The following CDADC1 variants were observed in gnomAD, a reference collection of about 807,000 sequenced individuals.
CDADC1 encodes dCTP deaminase.
Under a neutral mutation model 54.9 loss-of-function variants are expected in CDADC1, and 39 were observed. The observed-to-expected ratio is 0.71, with a 90% CI of 0.55 to 0.93. CDADC1 has a LOEUF of 0.93. CDADC1 is among the 40% of genes least tolerant of loss of function. CDADC1 has a pLI of 0.00. For synonymous variants in CDADC1, 186 were observed against 204.0 expected (o/e 0.91, Z 0.75); for missense variants, 518 against 618.8 (o/e 0.84, Z 1.73).
Position 49,272,645 on chromosome 13 carries a change from G to T in CDADC1, c.1001-1646G>T, listed in dbSNP as rs138380613. Among the ~76,000 whole-genome samples the T allele has an allele frequency of 4.4e-3, 662 of 151,412 alleles. 4 individuals carry two copies. Among genetic ancestry groups the T allele is most frequent in the African/African-American group, 0.015 (630 of 41,236 alleles). On this transcript the variant is annotated intron_variant, in intron 5 of 9. Coordinates refer to ENST00000251108, the MANE Select transcript of CDADC1 (RefSeq NM_030911.4). ...TTCAATAAATGGAAATTTTTGTCAA[G>T]GATTTCTTTTTCTTTTTTTTTTTTT...
rs373254567 is a variant in CDADC1, at chr13:49,292,724, A to T, written c.*967A>T. 4.7e-5 allele frequency: 60 copies of T among 1,271,316 alleles called. 1 individual carries two copies. The South Asian group carries it at 7.1e-4, about 15-fold the overall frequency. The allele number at this position is 1,271,316 out of a possible 1,614,324, so 78.8% of individuals were successfully genotyped here. On this transcript the variant is annotated 3_prime_UTR_variant, in exon 10 of 10. Coordinates refer to ENST00000251108, the MANE Select transcript of CDADC1 (RefSeq NM_030911.4). ...ATTTCTCACATTTTTATTTGCTGAG[A>T]AACATTCAGAAAATTATTCCAAAAA...
At chr13:49,275,762 G>T (rs897764283) in intron 6 of CDADC1, among the ~76,000 whole-genome samples, 19 of 124,104 alleles carry the variant, frequency 1.5e-4, no homozygotes, top group East Asian at 9.8e-4. Context: ...GAGAGAGAGA[G>T]AGAGAGAGAG....
chr13:49,265,844 T>C (rs1952802159), intron 4 of CDADC1: 2 of 1,293,942 alleles, frequency 1.5e-6, no homozygotes, highest in Non-Finnish European at 2.0e-6. Context: ...TACACAAATG[T>C]CTGTCTAAAG....
intron 6 of CDADC1, 85 bp downstream of exon 6, chr13:49,274,425 C>G: frequency 9.6e-7 from 1 of 1,040,364 alleles, no homozygotes; most frequent in Non-Finnish European, 1.5e-6. Flanking sequence ...AGGTTACTGA[C>G]TGCCAAGGCG....
chr13:49,252,551 T>C (rs1490450012), intron 2 of CDADC1, among the ~76,000 whole-genome samples: 1 of 152,158 alleles, frequency 6.6e-6, no homozygotes, highest in Admixed American at 6.5e-5. Context: ...ATCATGGCCA[T>C]TGCAAAAAAG....
chr13:49,271,077 T>C (rs1462612354), intron 5 of CDADC1, among the ~76,000 whole-genome samples: 1 of 152,238 alleles, frequency 6.6e-6, no homozygotes, highest in Non-Finnish European at 1.5e-5. Flanking sequence ...TTATAATTGC[T>C]TTTTGAATGA....
chr13:49,285,454 C>T (rs1371987082), intron 8 of CDADC1, among the ~76,000 whole-genome samples: 1 of 152,042 alleles, frequency 6.6e-6, no homozygotes, highest in Non-Finnish European at 1.5e-5. Flanking sequence ...GGATTACAGG[C>T]GTGAGCCACT....
At chr13:49,259,170 G>A (rs575803424) in intron 3 of CDADC1, among the ~76,000 whole-genome samples, 176 bp from the exon 4 acceptor site, 7 of 152,304 alleles carry the variant, frequency 4.6e-5, no homozygotes, top group Admixed American at 3.9e-4. Context: ...CTGGCCTAAA[G>A]TCAACACTAA....
chr13:49,257,498 C>T lies in CDADC1; in HGVS notation c.252+1585C>T, dbSNP rs546808705. Among the ~76,000 whole-genome samples the T allele has an allele frequency of 1.5e-4, 23 of 152,278 alleles. No homozygotes were observed. In the South Asian group the frequency reaches 2.9e-3, roughly 19 times the overall value. ...CAAGATGATACGTATTGGCCGGGCA[C>T]GGTGGCTCACGCCTGTAATCCCAGC... is the stretch of plus-strand genomic sequence containing the variant. On this transcript the variant is annotated intron_variant, in intron 3 of 9. Coordinates refer to ENST00000251108, the MANE Select transcript of CDADC1 (RefSeq NM_030911.4).
rs1272650958 is a variant in CDADC1, at chr13:49,267,645, G to T, written c.586G>T (p.Val196Leu). The part of the protein sequence containing the change: ...AHVCVLLQPL[V>L]CYMVQFVEET... ...TGTGTGTGTCTTACTTCAACCTTTG[G>T]TGTGTTATATGGTGCAGTTTGTAGA... Residue 196 changes from valine to leucine, a missense_variant, in exon 5 of 10, where the codon GTG (valine) becomes TTG (leucine). Physicochemically the swap from Val to Leu is conservative, Grantham distance 32 (BLOSUM62 1). Coordinates refer to ENST00000251108, the MANE Select transcript of CDADC1 (RefSeq NM_030911.4). 1 of 1,614,144 alleles carries T rather than the reference G, an allele frequency of 6.2e-7. No homozygotes were observed. The highest frequency in any genetic ancestry group is 1.1e-5 in the South Asian group (1 of 91,086).
At chr13:49,288,316 A>G (rs773085935) in intron 9 of CDADC1, among the ~76,000 whole-genome samples, 1 of 152,198 alleles carries the variant, frequency 6.6e-6, no homozygotes, top group Non-Finnish European at 1.5e-5. Flanking sequence ...TTTTAATTAT[A>G]TGATAGTTTT....
intron 4 of CDADC1, among the ~76,000 whole-genome samples, chr13:49,264,425 T>C (rs1952762849): frequency 6.6e-6 from 1 of 152,056 alleles, no homozygotes; most frequent in South Asian, 2.1e-4. Context: ...TATATGGAAT[T>C]GATAGCATAG....
intron 2 of CDADC1, among the ~76,000 whole-genome samples, chr13:49,255,375 T>C (rs940165398): frequency 6.6e-6 from 1 of 152,178 alleles, no homozygotes; most frequent in African/African-American, 2.4e-5. Flanking sequence ...TAACAAAACA[T>C]AGTCACAGGC....
chr13:49,280,579 C>G lies in CDADC1; in HGVS notation c.1291C>G (p.Pro431Ala). 6.4e-7 allele frequency: 1 copy of G among 1,574,386 alleles called. No individual in the cohort carries two copies. The highest frequency in any genetic ancestry group is 8.6e-7 in the Non-Finnish European group (1 of 1,159,492). The change falls in exon 8 of 10, where the codon CCT becomes GCT. Residue 431 changes from proline (P) to alanine (A), a missense_variant. Coordinates refer to ENST00000251108, the MANE Select transcript of CDADC1 (RefSeq NM_030911.4). ...VTKCPCDECV[P>A]LIKGAGIKQI... ...AAAGTGCCCATGTGATGAGTGTGTA[C>G]CTTTAATTAAAGGTGCAGGCATAAA... is the stretch of plus-strand genomic sequence containing the variant.
At chr13:49,262,162 G>A (rs545406304) in intron 4 of CDADC1, among the ~76,000 whole-genome samples, 2 of 152,296 alleles carry the variant, frequency 1.3e-5, no homozygotes, top group Admixed American at 6.5e-5. Flanking sequence ...CTACCTTCAG[G>A]TTGGGCATGG....
rs771861798 is a variant in CDADC1 at position 49,280,630 on chromosome 13, G to A, written c.1342G>A (p.Val448Ile). The change falls in exon 8 of 10, where the codon GTT becomes ATT. Residue 448 changes from valine (V) to isoleucine (I), a missense_variant. Transcript: ENST00000251108. ...ACAAATCTATGCAGGAGATGTAGAT[G>A]TTGGAAAAAAGAAGGCAGACATCTC... ...IKQIYAGDVD[V>I]GKKKADISYM... 1.9e-6 allele frequency: 3 copies of A among 1,601,904 alleles called. No individual in the cohort carries two copies. The highest frequency in any genetic ancestry group is 2.2e-5 in the South Asian group (2 of 89,316).
chr13:49,277,898 C>A (rs529232666), intron 6 of CDADC1, among the ~76,000 whole-genome samples: 50 of 152,266 alleles, frequency 3.3e-4, no homozygotes, highest in Middle Eastern at 3.4e-3. Context: ...TTTTGACTTG[C>A]TAACCAGTAG....
chr13:49,261,331 T>G (rs1400557198), intron 4 of CDADC1, among the ~76,000 whole-genome samples: 1 of 152,226 alleles, frequency 6.6e-6, no homozygotes, highest in African/African-American at 2.4e-5. Context: ...AGTGATTGGA[T>G]TCTATATTCT....
intron 2 of CDADC1, 45 bp from the exon 3 acceptor site, chr13:49,255,794 T>G: frequency 6.3e-7 from 1 of 1,596,942 alleles, no homozygotes; most frequent in Non-Finnish European, 8.5e-7. Flanking sequence ...TAGTCATATG[T>G]CTTATGTGCT....
Sources: allele counts gnomAD v4.1 joint callset (sites outside exome capture counted in the v4.1 genomes callset), GRCh38; gene constraint gnomAD v4.1.1; transcripts MANE v1.5; gene names NCBI Gene and HGNC (gene_info 2026-07-23, HGNC 2026-07-21).